The following KCND2 variants were observed in gnomAD, a reference collection of about 807,000 sequenced individuals.
The protein encoded by KCND2 is A-type voltage-gated potassium channel KCND2.
In KCND2, 16 loss-of-function variants were observed where a neutral mutation model predicts 54.4. The observed-to-expected ratio is 0.29, with a 90% CI of 0.20 to 0.45. The LOEUF (loss-of-function observed/expected upper bound fraction) is 0.45. Among genes scored for constraint, KCND2 ranks in the 20% least tolerant of loss-of-function variants. The pLI is 1.00. For synonymous variants in KCND2, 317 were observed against 310.7 expected (o/e 1.02, Z -0.21); for missense variants, 486 against 824.2 (o/e 0.59, Z 5.02).
At chr7:120,421,934 C>T (rs1801631011) in intron 1 of KCND2, among the ~76,000 whole-genome samples, 1 of 152,094 alleles carries the variant, frequency 6.6e-6, no homozygotes, top group Non-Finnish European at 1.5e-5. Flanking sequence ...GTTGGAGATC[C>T]CATACCAGAA....
chr7:120,356,310 C>A (rs1345986777), intron 1 of KCND2, among the ~76,000 whole-genome samples: 2 of 151,992 alleles, frequency 1.3e-5, no homozygotes, highest in African/African-American at 4.8e-5. Flanking sequence ...TGTGTGCTCC[C>A]CTAGGTATGC....
At chr7:120,579,587 C>T (rs1209642507) in intron 1 of KCND2, among the ~76,000 whole-genome samples, 3 of 144,968 alleles carry the variant, frequency 2.1e-5, no homozygotes, top group African/African-American at 5.1e-5. Context: ...GGAGACGGGG[C>T]GAGACTCTGT....
chr7:120,352,138 A>G (rs1040452291), intron 1 of KCND2, among the ~76,000 whole-genome samples: 1 of 151,816 alleles, frequency 6.6e-6, no homozygotes, highest in African/African-American at 2.4e-5. Flanking sequence ...GGGTTTCACC[A>G]TGTTGGCCAG....
At chr7:120,658,243 G>A (rs1382534620) in intron 1 of KCND2, among the ~76,000 whole-genome samples, 1 of 152,114 alleles carries the variant, frequency 6.6e-6, no homozygotes, top group Non-Finnish European at 1.5e-5. Flanking sequence ...GAGAAATTGA[G>A]TCTCCCCTGT....
intron 1 of KCND2, among the ~76,000 whole-genome samples, chr7:120,347,294 G>C (rs182763057): frequency 2.0e-4 from 30 of 152,214 alleles, no homozygotes; most frequent in Non-Finnish European, 4.0e-4. Context: ...ATTCAGAACA[G>C]GTTTCAGACT....
In KCND2 at chr7:120,317,071, G is replaced by A. The variant is rs570790418; in HGVS notation, c.1115+41324G>A. Among the ~76,000 whole-genome samples, 7 of 151,968 alleles carry A rather than the reference G, an allele frequency of 4.6e-5. No homozygotes were observed. The South Asian group carries it at 6.2e-4, about 14-fold the overall frequency. On this transcript the variant is annotated intron_variant, in intron 1 of 5. Transcript: ENST00000331113. ...AGGATGGTCTTGATCTCCTGACCTC[G>A]TGATCCACCCACCTTGGCCTCCCAA...
chr7:120,397,939 G>GTACATATACA (rs1303212595), intron 1 of KCND2, among the ~76,000 whole-genome samples: 3 of 144,212 alleles, frequency 2.1e-5, no homozygotes, highest in Non-Finnish European at 3.0e-5. Flanking sequence ...TTGAAAAAAA[G>GTACATATACA]TACATATACA....
In KCND2 at chr7:120,742,602, G is replaced by A. The variant is rs762124346; in HGVS notation, c.1467G>A (p.Thr489=). The A allele has an allele frequency of 3.7e-6, 6 of 1,611,980 alleles. No homozygotes were observed. Among genetic ancestry groups the A allele is most frequent in the South Asian group, 3.3e-5 (3 of 91,054 alleles). Reference sequence around the variant, plus strand: ...TGCTTCACTGCCTGGAAAAAACCACGGTAAGGAGACAGCATGACTGCCTTC... The same window carrying A: ...TGCTTCACTGCCTGGAAAAAACCACAGTAAGGAGACAGCATGACTGCCTTC... ...HHLLHCLEKT[T]NHEFVDEQVF... Residue 489 remains threonine (T), a splice_region_variant and synonymous_variant, in exon 4 of 6, where the codon ACG becomes ACA. Coordinates refer to ENST00000331113, the MANE Select transcript of KCND2 (RefSeq NM_012281.3).
At chr7:120,474,987 C>T (rs1197167430) in intron 1 of KCND2, among the ~76,000 whole-genome samples, 1 of 152,106 alleles carries the variant, frequency 6.6e-6, no homozygotes, top group Non-Finnish European at 1.5e-5. Context: ...ACTATAGGTG[C>T]ACAGCACCAC....
At chr7:120,532,134 A>G (rs182267319) in intron 1 of KCND2, among the ~76,000 whole-genome samples, 1 of 152,222 alleles carries the variant, frequency 6.6e-6, no homozygotes, top group East Asian at 1.9e-4. Flanking sequence ...AATGTATGCA[A>G]TAATTCTAAT....
intron 1 of KCND2, among the ~76,000 whole-genome samples, chr7:120,585,939 T>C (rs926322148): frequency 2.6e-5 from 4 of 152,116 alleles, no homozygotes; most frequent in African/African-American, 7.2e-5. Flanking sequence ...CCATGGAAAA[T>C]TGGCAGCTTT....
At chr7:120,644,736 A>T (rs772744134) in intron 1 of KCND2, among the ~76,000 whole-genome samples, 1 of 152,192 alleles carries the variant, frequency 6.6e-6, no homozygotes, top group Non-Finnish European at 1.5e-5. Flanking sequence ...GCCGGGTTTT[A>T]TCTTTTGATA....
chr7:120,379,602 T>C (rs561446132), intron 1 of KCND2, among the ~76,000 whole-genome samples: 28 of 152,208 alleles, frequency 1.8e-4, no homozygotes, highest in African/African-American at 6.5e-4. Context: ...CCCATTACTC[T>C]TTTTAAGAGA....
intron 1 of KCND2, among the ~76,000 whole-genome samples, chr7:120,725,904 C>T (rs961512737): frequency 5.3e-5 from 8 of 152,150 alleles, no homozygotes; most frequent in Non-Finnish European, 1.2e-4. Context: ...AATTTATCCA[C>T]GCACTCCTTG....
chr7:120,641,236 A>T (rs937369102), intron 1 of KCND2, among the ~76,000 whole-genome samples: 1 of 146,662 alleles, frequency 6.8e-6, no homozygotes, highest in African/African-American at 2.5e-5. Flanking sequence ...TCATTCAGGG[A>T]CTGTCATTTT....
At chr7:120,742,734 CA>C in intron 4 of KCND2, 132 bp downstream of exon 4, 2 of 727,104 alleles carry the variant, frequency 2.8e-6, no homozygotes, top group Non-Finnish European at 5.0e-6. Context: ...ACAAACAAAC[CA>C]AAACCCCACA....
intron 1 of KCND2, among the ~76,000 whole-genome samples, chr7:120,285,675 A>G (rs1160953746): frequency 6.6e-6 from 1 of 151,954 alleles, no homozygotes; most frequent in Non-Finnish European, 1.5e-5. Flanking sequence ...GTTTTGAAAA[A>G]CATAATTAAC....
At chr7:120,562,191 T>C (rs943720333) in intron 1 of KCND2, among the ~76,000 whole-genome samples, 1 of 152,036 alleles carries the variant, frequency 6.6e-6, no homozygotes, top group African/African-American at 2.4e-5. Context: ...AGAGAGCATA[T>C]TGAGTGAGAA....
intron 1 of KCND2, among the ~76,000 whole-genome samples, chr7:120,573,899 T>A (rs748329516): frequency 1.3e-5 from 2 of 152,188 alleles, no homozygotes; most frequent in African/African-American, 2.4e-5. Flanking sequence ...TTTAGAATCC[T>A]GTGACAAATC....
Sources: allele counts gnomAD v4.1 joint callset (sites outside exome capture counted in the v4.1 genomes callset), GRCh38; gene constraint gnomAD v4.1.1; transcripts MANE v1.5; gene names NCBI Gene and HGNC (gene_info 2026-07-23, HGNC 2026-07-21).